Variants in SLC39A11 observed in about 807,000 individuals in gnomAD.
SLC39A11 encodes solute carrier family 39 member 11, also known as zinc transporter ZIP11.
A neutral mutation model predicts 36.1 loss-of-function variants in SLC39A11; 33 were observed. The observed-to-expected ratio is 0.91, with a 90% CI of 0.69 to 1.22. SLC39A11 has a LOEUF of 1.22. SLC39A11 is among the 50% of genes most tolerant of loss of function. The probability of loss-of-function intolerance (pLI) is 0.00; values close to 1 mark genes in which losing one functional copy is unlikely to be tolerated. For missense variants in SLC39A11, 432 were observed against 430.3 expected, an observed-to-expected ratio of 1.00 and a Z score of -0.03; for synonymous variants, 166 against 170.3, an observed-to-expected ratio of 0.97 and a Z score of 0.20.
At chr17:72,872,238 TG>T (rs1210714790) in intron 5 of SLC39A11, among the ~76,000 whole-genome samples, 2 of 152,136 alleles carry the variant, frequency 1.3e-5, no homozygotes, top group East Asian at 3.9e-4. Flanking sequence ...ACAGACCCTC[TG>T]GGGTGTGTCC....
intron 6 of SLC39A11, among the ~76,000 whole-genome samples, chr17:72,737,252 G>A (rs2074469004): frequency 6.6e-6 from 1 of 151,438 alleles, no homozygotes. Context: ...CTCCAGCCTG[G>A]GTGACAAAGT....
intron 7 of SLC39A11, among the ~76,000 whole-genome samples, chr17:72,667,420 C>T (rs1375019873): frequency 2.0e-5 from 3 of 152,226 alleles, no homozygotes; most frequent in Non-Finnish European, 2.9e-5. Flanking sequence ...TCCTTCCTTG[C>T]ACTGTGTATT....
intron 5 of SLC39A11, among the ~76,000 whole-genome samples, chr17:72,889,441 G>GGAGGGGGAGGTTGCAGTGAGCT (rs2081608093): frequency 6.6e-6 from 1 of 151,114 alleles, no homozygotes; most frequent in Non-Finnish European, 1.5e-5. Context: ...CTTGAACCTG[G>GGAGGGGGAGGTTGCAGTGAGCT]GAGGTGGAGG....
intron 6 of SLC39A11, among the ~76,000 whole-genome samples, chr17:72,819,674 A>G (rs1165446146): frequency 2.6e-5 from 4 of 151,204 alleles, no homozygotes; most frequent in Non-Finnish European, 5.9e-5. Context: ...AATCACATGA[A>G]CAATTCAACA....
intron 5 of SLC39A11, among the ~76,000 whole-genome samples, chr17:72,905,013 T>C (rs1184672863): frequency 6.6e-6 from 1 of 150,862 alleles, no homozygotes; most frequent in Non-Finnish European, 1.5e-5. Flanking sequence ...CTCTACTAAA[T>C]ATACAAAACA....
intron 4 of SLC39A11, among the ~76,000 whole-genome samples, chr17:72,959,414 C>T (rs1372033600): frequency 2.7e-5 from 4 of 146,298 alleles, no homozygotes; most frequent in African/African-American, 7.6e-5. Context: ...TAACAGCATT[C>T]GCAGTGACCT....
chr17:72,704,215 G>A (rs541250866), intron 7 of SLC39A11, among the ~76,000 whole-genome samples: 85 of 152,330 alleles, frequency 5.6e-4, no homozygotes, highest in African/African-American at 2.0e-3. Context: ...CAACTTGCTA[G>A]TTCATGTAAT....
chr17:72,940,277 CT>C lies in SLC39A11; in HGVS notation c.430+7474del, dbSNP rs5821935. 2.7e-3 allele frequency among the ~76,000 whole-genome samples: 392 copies of C among 144,820 alleles called. 4 individuals carry two copies. Among genetic ancestry groups the C allele is most frequent in the African/African-American group, 9.2e-3 (363 of 39,382 alleles). On this transcript the variant is annotated intron_variant, in intron 5 of 9. Transcript: ENST00000255559. ...AAAGATCAGACTTAGAGCCATCTGA[CT>C]TTTTTTTTTTTTTTGAGATGGAGTT...
chr17:72,697,055 G>A (rs1045134538), intron 7 of SLC39A11, among the ~76,000 whole-genome samples: 1 of 152,090 alleles, frequency 6.6e-6, no homozygotes, highest in Non-Finnish European at 1.5e-5. Context: ...TCATTTTCAC[G>A]GCTTTGCAAA....
intron 6 of SLC39A11, among the ~76,000 whole-genome samples, chr17:72,849,230 T>C (rs2079185293): frequency 6.6e-6 from 1 of 152,118 alleles, no homozygotes. Context: ...AAAATCTGAG[T>C]GTAAGTGAAC....
In SLC39A11 at chr17:72,767,259, C is replaced by A. The variant is rs191033765; in HGVS notation, c.602-30540G>T. Among the ~76,000 whole-genome samples, 227 of 152,256 alleles carry A rather than the reference C, an allele frequency of 1.5e-3. 2 individuals are homozygous for A. Among genetic ancestry groups the A allele is most frequent in the African/African-American group, 5.2e-3 (217 of 41,544 alleles). On this transcript the variant is annotated intron_variant, in intron 6 of 9. Coordinates refer to ENST00000255559, the MANE Select transcript of SLC39A11 (RefSeq NM_139177.4). ...TGTAGTATTTTGTTTTGCTGATTTTCTCAGTATTTACTCAGCACCTACAGG... is the reference window on the plus strand; with the variant it reads ...TGTAGTATTTTGTTTTGCTGATTTTATCAGTATTTACTCAGCACCTACAGG...
Position 73,025,059 on chromosome 17 carries a change from T to C in SLC39A11, c.306+6497A>G, listed in dbSNP as rs140441111. Among the ~76,000 whole-genome samples, 986 of 152,132 alleles carry C rather than the reference T, an allele frequency of 6.5e-3. 13 individuals are homozygous for C. Among genetic ancestry groups the C allele is most frequent in the African/African-American group, 0.023 (936 of 41,514 alleles). Reference sequence around the variant, plus strand: ...AAAGTACACACGCACACTGTTCATTTAAGCTTCACTAGAGGCATCTTCTTT... The same window carrying C: ...AAAGTACACACGCACACTGTTCATTCAAGCTTCACTAGAGGCATCTTCTTT... On this transcript the variant is annotated intron_variant, in intron 4 of 9. Transcript: ENST00000255559.
intron 6 of SLC39A11, among the ~76,000 whole-genome samples, chr17:72,774,069 GTCTC>G (rs1272784625): frequency 6.6e-6 from 1 of 152,200 alleles, no homozygotes; most frequent in Non-Finnish European, 1.5e-5. Context: ...GGGCCTCCGT[GTCTC>G]TCTGTTTGCA....
At chr17:72,699,191 C>T (rs1598382784) in intron 7 of SLC39A11, among the ~76,000 whole-genome samples, 2 of 152,152 alleles carry the variant, frequency 1.3e-5, no homozygotes, top group East Asian at 3.9e-4. Flanking sequence ...AATCTTTTGG[C>T]TTCCCTGGGC....
In SLC39A11 at chr17:72,759,679, T is replaced by C. The variant is rs184635042; in HGVS notation, c.602-22960A>G. Among the ~76,000 whole-genome samples the C allele has an allele frequency of 1.0e-3, 159 of 151,772 alleles. 1 individual carries two copies. Among genetic ancestry groups the C allele is most frequent in the Non-Finnish European group, 1.4e-3 (98 of 67,754 alleles). ...AACATCAACAACTCTAGAGGAGACATAAAAAATTCATGAGAAAAGCACAAA... is the reference window on the plus strand; with the variant it reads ...AACATCAACAACTCTAGAGGAGACACAAAAAATTCATGAGAAAAGCACAAA... On this transcript the variant is annotated intron_variant, in intron 6 of 9. Transcript: ENST00000255559.
In SLC39A11 at chr17:73,030,693, G is replaced by A. The variant is rs192024904; in HGVS notation, c.306+863C>T. Among the ~76,000 whole-genome samples, 14 of 152,280 alleles carry A rather than the reference G, an allele frequency of 9.2e-5. 2 individuals are homozygous for A. Among genetic ancestry groups the A allele is most frequent in the African/African-American group, 3.4e-4 (14 of 41,544 alleles). On this transcript the variant is annotated intron_variant, in intron 4 of 9. Transcript: ENST00000255559. ...GCTTCTGCCATCTCTAGAACTTGTCGGGCCCAGTGTCTGGTAAGGCTGTCT... is the reference window on the plus strand; with the variant it reads ...GCTTCTGCCATCTCTAGAACTTGTCAGGCCCAGTGTCTGGTAAGGCTGTCT...
At chr17:73,078,495 G>GTT (rs201222507) in intron 3 of SLC39A11, among the ~76,000 whole-genome samples, 165 of 145,824 alleles carry the variant, frequency 1.1e-3, no homozygotes, top group Non-Finnish European at 2.0e-3. Flanking sequence ...GTTTTTTGTT[G>GTT]TTTTTTTTTT....
At chr17:73,050,229 G>C (rs2059446584) in intron 3 of SLC39A11, among the ~76,000 whole-genome samples, 2 of 150,852 alleles carry the variant, frequency 1.3e-5, no homozygotes, top group South Asian at 4.2e-4. Flanking sequence ...TGACATTTGA[G>C]CTGAGCCCTG....
At chr17:72,975,256 T>A (rs557463617) in intron 4 of SLC39A11, among the ~76,000 whole-genome samples, 2 of 152,056 alleles carry the variant, frequency 1.3e-5, no homozygotes, top group African/African-American at 4.8e-5. Flanking sequence ...CTGACCAACA[T>A]GGTGAAACCC....
Sources: gnomAD v4.1 joint callset for allele counts (sites outside exome capture counted in the v4.1 genomes callset) on GRCh38, gnomAD v4.1.1 for gene constraint, MANE v1.5 for transcripts, NCBI Gene and HGNC (gene_info 2026-07-23, HGNC 2026-07-21) for gene names.